DDX46: variants seen among roughly 807,000 people sequenced by gnomAD.
DDX46 encodes the protein probable ATP-dependent RNA helicase DDX46.
DDX46 carries 30 observed loss-of-function variants against 134.9 expected under a neutral mutation model. That is an observed-to-expected ratio of 0.22 (90% CI 0.17 to 0.30). The LOEUF (loss-of-function observed/expected upper bound fraction) is 0.30, where lower values mean the gene tolerates loss of function less well. Among genes scored for constraint, DDX46 ranks in the 10% least tolerant of loss-of-function variants. The pLI is 1.00. For synonymous variants in DDX46, 415 were observed against 404.1 expected (o/e 1.03, Z -0.32); for missense variants, 622 against 1,248.7 (o/e 0.50, Z 7.56).
chr5:134,806,235 C>T (rs942549164), intron 15 of DDX46, among the ~76,000 whole-genome samples: 3 of 151,550 alleles, frequency 2.0e-5, no homozygotes, highest in African/African-American at 7.3e-5. Flanking sequence ...AAGAGACATC[C>T]TGAAAACAGA....
chr5:134,780,269 G>A (rs1000187975), intron 6 of DDX46, among the ~76,000 whole-genome samples: 6 of 149,666 alleles, frequency 4.0e-5, no homozygotes, highest in East Asian at 1.9e-4. Context: ...ATATATTATT[G>A]TTATATATAA....
intron 14 of DDX46, 97 bp downstream of exon 14, chr5:134,795,111 T>G: frequency 6.9e-7 from 1 of 1,458,932 alleles, no homozygotes; most frequent in South Asian, 1.3e-5. Flanking sequence ...GCAAGGTAAT[T>G]TCTAAAATCA....
At chr5:134,790,180 G>A (rs1754462531) in intron 12 of DDX46, 1 of 533,400 alleles carries the variant, frequency 1.9e-6, no homozygotes. Flanking sequence ...GTTTTGGAGA[G>A]GGCTGTTTTC....
chr5:134,759,427 T>C (rs572445805), intron 1 of DDX46, among the ~76,000 whole-genome samples: 1 of 152,336 alleles, frequency 6.6e-6, no homozygotes, highest in African/African-American at 2.4e-5. Flanking sequence ...TATACACGAC[T>C]AGGCTTTTAC....
At chr5:134,812,206 A>G (rs1288216628) in intron 18 of DDX46, among the ~76,000 whole-genome samples, 2 of 151,676 alleles carry the variant, frequency 1.3e-5, no homozygotes, top group African/African-American at 4.8e-5. Context: ...CTGGGATTAC[A>G]GGCATCCACC....
chr5:134,806,307 C>T (rs1053098609), intron 15 of DDX46, among the ~76,000 whole-genome samples: 4 of 151,846 alleles, frequency 2.6e-5, no homozygotes, highest in South Asian at 2.1e-4. Context: ...GGATTAGGCC[C>T]GTCTCTCATT....
At chr5:134,797,786 G>A (rs1754711860) in intron 15 of DDX46, among the ~76,000 whole-genome samples, 1 of 152,124 alleles carries the variant, frequency 6.6e-6, no homozygotes, top group Admixed American at 6.6e-5. Context: ...TTTGTGTTTG[G>A]TTAACTTTTA....
chr5:134,786,139 G>A (rs895464373), intron 11 of DDX46, among the ~76,000 whole-genome samples: 7 of 152,048 alleles, frequency 4.6e-5, no homozygotes, highest in African/African-American at 1.2e-4. Context: ...GTGAGCCACC[G>A]TGCCTGACCA....
At chr5:134,802,319 C>T (rs1282510135) in intron 15 of DDX46, among the ~76,000 whole-genome samples, 2 of 151,918 alleles carry the variant, frequency 1.3e-5, no homozygotes, top group East Asian at 1.9e-4. Flanking sequence ...CGTATGCTAC[C>T]ACATCCAGCT....
At position 134,807,758 on chromosome 5, in the gene DDX46, A is replaced by G. The variant is rs1210310826; in HGVS notation, c.1965A>G (p.Gln655=). ...PCMSLHGGID[Q]YDRDSIINDF... ...CTAATTTACTTGCAGGCATTGATCA[A>G]TATGACAGAGATAGCATCATAAATG... is the stretch of plus-strand genomic sequence containing the variant. Residue 655 remains glutamine (Q), a synonymous_variant, in exon 16 of 23, where the codon CAA becomes CAG. Transcript: ENST00000452510. The G allele has an allele frequency of 9.3e-6, 15 of 1,613,478 alleles. No individual in the cohort carries two copies. The highest frequency in any genetic ancestry group is 1.3e-5 in the Non-Finnish European group (15 of 1,179,744).
intron 13 of DDX46, among the ~76,000 whole-genome samples, chr5:134,794,211 A>G (rs1484022439): frequency 1.3e-5 from 2 of 152,158 alleles, no homozygotes; most frequent in South Asian, 2.1e-4. Flanking sequence ...AGCTCTGTAC[A>G]GTTTGCTTCA....
chr5:134,765,792 A>G (rs1441012005), intron 2 of DDX46, among the ~76,000 whole-genome samples: 1 of 152,190 alleles, frequency 6.6e-6, no homozygotes. Flanking sequence ...ATTGGAGTAC[A>G]TTGTTGTTAC....
chr5:134,781,664 G>C (rs75881303), intron 7 of DDX46, among the ~76,000 whole-genome samples: 2,259 of 152,224 alleles, frequency 0.015, 32 homozygotes, highest in Non-Finnish European at 0.022. Flanking sequence ...AAAAAACTAA[G>C]TTGAAAAATT....
chr5:134,807,937 A>G lies in DDX46; in HGVS notation c.2144A>G (p.Asn715Ser). 6.3e-7 allele frequency: 1 copy of G among 1,585,890 alleles called. No homozygotes were observed. Among genetic ancestry groups the G allele is most frequent in the Non-Finnish European group, 8.6e-7 (1 of 1,165,880 alleles). ...HRAGRTGRAGNKGYAYTFITE... is the reference protein window; with the variant it reads ...HRAGRTGRAGSKGYAYTFITE... ...GCAGGGCGGACTGGAAGAGCAGGAA[A>G]CAAGGTAAAAATAAGTTTTTTATAG... Residue 715 changes from asparagine to serine, a missense_variant, in exon 16 of 23, where the codon AAC (asparagine) becomes AGC (serine). Transcript: ENST00000452510.
intron 16 of DDX46, among the ~76,000 whole-genome samples, chr5:134,809,575 C>T (rs191369665): frequency 2.0e-5 from 3 of 152,078 alleles, no homozygotes; most frequent in Admixed American, 2.0e-4. Flanking sequence ...CTACTAAAAC[C>T]TGTGTTAGCC....
intron 6 of DDX46, among the ~76,000 whole-genome samples, chr5:134,778,293 C>T (rs193102349): frequency 3.3e-5 from 5 of 152,278 alleles, no homozygotes; most frequent in Admixed American, 6.5e-5. Context: ...ACTTGGATTA[C>T]AGGCATGAGC....
chr5:134,814,254 A>G (rs1160775495), intron 18 of DDX46, among the ~76,000 whole-genome samples: 7 of 152,186 alleles, frequency 4.6e-5, no homozygotes, highest in Non-Finnish European at 1.0e-4. Context: ...TCGGTGCGGT[A>G]CTATCTCTGT....
intron 15 of DDX46, among the ~76,000 whole-genome samples, chr5:134,800,816 C>A (rs890523194): frequency 1.4e-4 from 22 of 152,040 alleles, no homozygotes; most frequent in Non-Finnish European, 5.9e-5. Context: ...GCTGGGATTA[C>A]CGGCATGTGC....
chr5:134,812,641 G>A lies in DDX46; in HGVS notation c.2436+796G>A, dbSNP rs569365386. On this transcript the variant is annotated intron_variant, in intron 18 of 22. Transcript: ENST00000452510. ...CATTTCTTTCTAGGATACCATACTAGCTCAAAAAATTAGCCGGGCGTGTCT... is the reference window on the plus strand; with the variant it reads ...CATTTCTTTCTAGGATACCATACTAACTCAAAAAATTAGCCGGGCGTGTCT... 4.3e-4 allele frequency among the ~76,000 whole-genome samples: 66 copies of A among 152,096 alleles called. No individual in the cohort carries two copies. The South Asian group carries it at 0.013, about 30-fold the overall frequency.
Sources: gnomAD v4.1 joint callset for allele counts (sites outside exome capture counted in the v4.1 genomes callset) on GRCh38, gnomAD v4.1.1 for gene constraint, MANE v1.5 for transcripts, NCBI Gene and HGNC (gene_info 2026-07-23, HGNC 2026-07-21) for gene names.